The following ADCY2 variants were observed in gnomAD, a reference collection of about 807,000 sequenced individuals.
ADCY2 encodes the protein adenylate cyclase type 2.
In ADCY2, 31 loss-of-function variants were observed where a neutral mutation model predicts 125.2. The ratio of observed to expected loss-of-function variants is 0.25; its 90% CI spans 0.19 to 0.33. The LOEUF (loss-of-function observed/expected upper bound fraction) is 0.33. ADCY2 is among the 10% of genes least tolerant of loss of function. The pLI is 1.00. For synonymous variants in ADCY2, 512 were observed against 548.4 expected, an observed-to-expected ratio of 0.93 and a Z score of 0.93; for missense variants, 904 against 1,418.2, an observed-to-expected ratio of 0.64 and a Z score of 5.82.
At position 7,789,815 on chromosome 5, in the gene ADCY2, G is replaced by C. The variant is rs201781955; in HGVS notation, c.2628+15G>C. The C allele has an allele frequency of 2.0e-6, 3 of 1,479,206 alleles. No homozygotes were observed. Among genetic ancestry groups the C allele is most frequent in the Non-Finnish European group, 1.8e-6 (2 of 1,112,836 alleles). The allele number at this position is 1,479,206 out of a possible 1,614,324, so 91.6% of individuals were successfully genotyped here. A position where few individuals can be genotyped will look rare whatever the true frequency, so the allele number is the denominator to read the frequency against. ...TGAAGAATGAGGTCAGACCAGGGGG[G>C]CTGGGGGCTGGGGGAGGGGGCTGGA... is the stretch of plus-strand genomic sequence containing the variant. On this transcript the variant is annotated intron_variant, in intron 20 of 24. Transcript: ENST00000338316.
intron 17 of ADCY2, among the ~76,000 whole-genome samples, chr5:7,767,855 C>T (rs2126475415): frequency 6.6e-6 from 1 of 151,984 alleles, no homozygotes; most frequent in Non-Finnish European, 1.5e-5. Flanking sequence ...ACGGTGAAAC[C>T]CCGTCTCTAC....
chr5:7,447,165 TCAGAAGCTTGTTCTGGGGATCCCTC>T (rs145135065), intron 2 of ADCY2, among the ~76,000 whole-genome samples: 8,284 of 152,250 alleles, frequency 0.054, 273 homozygotes, highest in South Asian at 0.14. Flanking sequence ...CCGACCTTAC[TCAGAAGCTTGTTCTGGGGATCCCTC>T]CAGAACAAAA....
At position 7,802,223 on chromosome 5, in the gene ADCY2, A is replaced by G; in HGVS notation, c.2634A>G (p.Leu878=). 2.5e-6 allele frequency: 4 copies of G among 1,613,578 alleles called. No individual in the cohort carries two copies. Among genetic ancestry groups the G allele is most frequent in the Non-Finnish European group, 3.4e-6 (4 of 1,179,850 alleles). Reference sequence around the variant, plus strand: ...CTTGCTTTTCTCCCAAGCAGGAGCTATACCACCAGTCCTATGACTGCGTCT... The same window carrying G: ...CTTGCTTTTCTCCCAAGCAGGAGCTGTACCACCAGTCCTATGACTGCGTCT... ...FLARSLKNEE[L]YHQSYDCVCV... Residue 878 remains leucine (L), a synonymous_variant, in exon 21 of 25, where the codon CTA becomes CTG. Coordinates refer to ENST00000338316, the MANE Select transcript of ADCY2 (RefSeq NM_020546.3). This position sits in a 1 kb window ranked among gnomAD's most constrained non-coding sequence, Gnocchi z 4.6.
intron 2 of ADCY2, among the ~76,000 whole-genome samples, chr5:7,440,341 T>C (rs1740965664): frequency 6.6e-6 from 1 of 152,206 alleles, no homozygotes; most frequent in South Asian, 2.1e-4. Flanking sequence ...ACTGAAGAAA[T>C]ACACTGCGCG....
chr5:7,654,093 G>T (rs1330975709), intron 4 of ADCY2: 2 of 456,116 alleles, frequency 4.4e-6, no homozygotes, highest in South Asian at 1.5e-5. Flanking sequence ...CTGAGGCTGG[G>T]CGCAGTCACC....
At chr5:7,493,996 C>T (rs1318309791) in intron 2 of ADCY2, among the ~76,000 whole-genome samples, 1 of 152,110 alleles carries the variant, frequency 6.6e-6, no homozygotes, top group Non-Finnish European at 1.5e-5. Context: ...AAAAGCCGAG[C>T]TGCAGAGAGG....
intron 3 of ADCY2, among the ~76,000 whole-genome samples, chr5:7,602,579 C>G (rs1737252888): frequency 6.6e-6 from 1 of 152,162 alleles, no homozygotes. Context: ...ATTCTCTTGC[C>G]AAGAGAAATT....
At chr5:7,691,710 T>C (rs1740711196) in intron 5 of ADCY2, 1 of 152,410 alleles carries the variant, frequency 6.6e-6, no homozygotes, top group South Asian at 2.1e-4. Context: ...AGTATGTTAA[T>C]ACACTGCTTT....
rs1226935806 is a variant in ADCY2, at chr5:7,554,072, A to C, written c.570+33173A>C. 2.0e-5 allele frequency among the ~76,000 whole-genome samples: 3 copies of C among 152,360 alleles called. No individual in the cohort carries two copies. The East Asian group carries it at 5.8e-4, about 29-fold the overall frequency. ...TTCAAGCATCTTGTGTCTTTAAAAA[A>C]AGGGCATTGGAGAAAAAGGGCAGGT... is the stretch of plus-strand genomic sequence containing the variant. On this transcript the variant is annotated intron_variant, in intron 3 of 24. Coordinates refer to ENST00000338316, the MANE Select transcript of ADCY2 (RefSeq NM_020546.3).
intron 2 of ADCY2, among the ~76,000 whole-genome samples, chr5:7,493,110 A>C (rs1451405504): frequency 6.6e-6 from 1 of 152,172 alleles, no homozygotes; most frequent in Non-Finnish European, 1.5e-5. Context: ...CCATTGATGT[A>C]AGAGAAGGTC....
At chr5:7,497,779 T>A (rs540994830) in intron 2 of ADCY2, among the ~76,000 whole-genome samples, 1 of 151,968 alleles carries the variant, frequency 6.6e-6, no homozygotes, top group South Asian at 2.1e-4. Flanking sequence ...CTTAGTGAAA[T>A]AATGTATTTA....
chr5:7,455,428 C>T (rs1220977030), intron 2 of ADCY2, among the ~76,000 whole-genome samples: 2 of 152,034 alleles, frequency 1.3e-5, no homozygotes, highest in Non-Finnish European at 2.9e-5. Context: ...GAAAAGTTCT[C>T]ACTAAATGTG....
At chr5:7,581,819 C>CAAAAAAAAAA (rs59841590) in intron 3 of ADCY2, among the ~76,000 whole-genome samples, 1 of 123,792 alleles carries the variant, frequency 8.1e-6, no homozygotes, top group African/African-American at 3.1e-5. Flanking sequence ...GACTCAGTCT[C>CAAAAAAAAAA]AAAAAAAAAA....
intron 2 of ADCY2, among the ~76,000 whole-genome samples, chr5:7,418,196 G>A (rs1353751025): frequency 6.6e-6 from 1 of 152,040 alleles, no homozygotes; most frequent in African/African-American, 2.4e-5. Flanking sequence ...TCTTGAATTC[G>A]AATATATTCA....
At chr5:7,545,013 G>A (rs1735106461) in intron 3 of ADCY2, among the ~76,000 whole-genome samples, 1 of 152,186 alleles carries the variant, frequency 6.6e-6, no homozygotes, top group Non-Finnish European at 1.5e-5. Flanking sequence ...TAGCAAGGAA[G>A]AGGTCTGCAG....
intron 3 of ADCY2, among the ~76,000 whole-genome samples, chr5:7,558,848 T>C (rs1023919170): frequency 1.3e-5 from 2 of 152,162 alleles, no homozygotes; most frequent in African/African-American, 4.8e-5. Context: ...GCATCTTGAG[T>C]TAATTTTTTT....
intron 2 of ADCY2, among the ~76,000 whole-genome samples, chr5:7,459,932 A>G (rs34844): frequency 0.47 from 71,089 of 150,684 alleles, 18,499 homozygotes; most frequent in African/African-American, 0.69. Flanking sequence ...GACTACAGGC[A>G]ACTGCCACCA....
At chr5:7,777,212 A>G (rs1014106442) in intron 18 of ADCY2, among the ~76,000 whole-genome samples, 2 of 152,092 alleles carry the variant, frequency 1.3e-5, no homozygotes, top group Non-Finnish European at 2.9e-5. Context: ...GAAGGTACCC[A>G]TCCTGGATGA....
chr5:7,588,679 T>C (rs2126621325), intron 3 of ADCY2, among the ~76,000 whole-genome samples: 1 of 152,376 alleles, frequency 6.6e-6, no homozygotes, highest in Middle Eastern at 3.4e-3. Flanking sequence ...TGAAACTTTA[T>C]TTATGTACAC....
Sources: gnomAD v4.1 joint callset for allele counts (sites outside exome capture counted in the v4.1 genomes callset) on GRCh38, gnomAD v4.1.1 for gene constraint, Gnocchi (gnomAD v3.1) non-coding constraint, MANE v1.5 for transcripts, NCBI Gene and HGNC (gene_info 2026-07-23, HGNC 2026-07-21) for gene names.